GABRB3: variants seen among roughly 807,000 people sequenced by gnomAD.
GABRB3 encodes the protein gamma-aminobutyric acid receptor subunit beta-3.
GABRB3 carries 14 observed loss-of-function variants against 52.1 expected under a neutral mutation model. The ratio of observed to expected loss-of-function variants is 0.27; its 90% CI spans 0.18 to 0.42. The LOEUF (loss-of-function observed/expected upper bound fraction) is 0.42. GABRB3 is among the 10% of genes least tolerant of loss of function. GABRB3 has a pLI of 1.00. For synonymous variants in GABRB3, 260 were observed against 232.3 expected, an observed-to-expected ratio of 1.12 and a Z score of -1.08; for missense variants, 307 against 609.1, an observed-to-expected ratio of 0.50 and a Z score of 5.22.
chr15:26,576,139 G>A (rs1890581873), intron 6 of GABRB3, among the ~76,000 whole-genome samples: 1 of 152,206 alleles, frequency 6.6e-6, no homozygotes, highest in African/African-American at 2.4e-5. Flanking sequence ...AGCTGAATAT[G>A]TTTGTTGAAA....
intron 7 of GABRB3, among the ~76,000 whole-genome samples, chr15:26,565,054 G>A (rs868048097): frequency 2.6e-5 from 4 of 152,148 alleles, no homozygotes; most frequent in South Asian, 2.1e-4. Flanking sequence ...ATAATACTTC[G>A]TACTGTGCTG....
chr15:26,583,622 A>C (rs1178317151), intron 4 of GABRB3, among the ~76,000 whole-genome samples: 2 of 152,020 alleles, frequency 1.3e-5, no homozygotes, highest in Non-Finnish European at 2.9e-5. Context: ...GGAAAAAAAA[A>C]ACACAAAACT....
chr15:26,557,128 C>T (rs755703363), intron 8 of GABRB3, among the ~76,000 whole-genome samples: 3 of 152,130 alleles, frequency 2.0e-5, no homozygotes, highest in Non-Finnish European at 4.4e-5. Flanking sequence ...TCTGCAACAA[C>T]ATGGATGGAG....
At chr15:26,633,953 G>A (rs764611878) in intron 3 of GABRB3, among the ~76,000 whole-genome samples, 6 of 152,184 alleles carry the variant, frequency 3.9e-5, no homozygotes, top group Non-Finnish European at 8.8e-5. Flanking sequence ...TTCAAAGTGT[G>A]GCGTTTTCTC....
intron 3 of GABRB3, among the ~76,000 whole-genome samples, chr15:26,684,538 T>G (rs1888341290): frequency 6.6e-6 from 1 of 152,222 alleles, no homozygotes; most frequent in Admixed American, 6.5e-5. Context: ...GTTTTGGCTT[T>G]CGGCGTGCCT....
At chr15:26,563,506 G>C (rs566070061) in intron 7 of GABRB3, among the ~76,000 whole-genome samples, 4 of 152,184 alleles carry the variant, frequency 2.6e-5, no homozygotes, top group African/African-American at 9.7e-5. Flanking sequence ...GCCTGTAAAG[G>C]GGAGCCACAT....
chr15:26,574,917 GA>G (rs886772343), intron 6 of GABRB3, among the ~76,000 whole-genome samples: 7 of 151,674 alleles, frequency 4.6e-5, no homozygotes, highest in African/African-American at 1.2e-4. Context: ...CCATTATAAG[GA>G]AAAAAAATGT....
At chr15:26,684,588 C>T (rs1000347) in intron 3 of GABRB3, among the ~76,000 whole-genome samples, 137,824 of 152,156 alleles carry the variant, frequency 0.91, 62,791 homozygotes, top group Non-Finnish European at 0.95. Flanking sequence ...CTGATTTACA[C>T]TGAGGGACGT....
chr15:26,742,270 T>A (rs1458312675), intron 3 of GABRB3, among the ~76,000 whole-genome samples: 1 of 151,870 alleles, frequency 6.6e-6, no homozygotes, highest in Non-Finnish European at 1.5e-5. Flanking sequence ...AGCCCGGGAG[T>A]CCTTTTACTG....
In GABRB3 at chr15:26,629,421, G is replaced by A. The variant is rs189077545; in HGVS notation, c.241-7887C>T. On this transcript the variant is annotated intron_variant, in intron 3 of 8. Transcript: ENST00000311550. ...GCCTGATTAGATTAGCACACACCGGGAAGAGACAGGCTGTCTCCTGGCACT... is the reference window on the plus strand; with the variant it reads ...GCCTGATTAGATTAGCACACACCGGAAAGAGACAGGCTGTCTCCTGGCACT... 2.0e-3 allele frequency among the ~76,000 whole-genome samples: 306 copies of A among 152,356 alleles called. 1 individual carries two copies. Among genetic ancestry groups the A allele is most frequent in the African/African-American group, 7.2e-3 (298 of 41,582 alleles).
chr15:26,558,596 T>G (rs1889846654), intron 8 of GABRB3, among the ~76,000 whole-genome samples: 1 of 152,098 alleles, frequency 6.6e-6, no homozygotes, highest in African/African-American at 2.4e-5. Context: ...ATTCTCTCAT[T>G]GCTATAAAGA....
intron 3 of GABRB3, among the ~76,000 whole-genome samples, chr15:26,693,800 A>T (rs1199642963): frequency 6.6e-6 from 1 of 152,210 alleles, no homozygotes; most frequent in Non-Finnish European, 1.5e-5. Flanking sequence ...TTGTAGATGG[A>T]GCATAGCCTA....
chr15:26,745,861 T>C (rs1431743930), intron 3 of GABRB3, among the ~76,000 whole-genome samples: 3 of 152,218 alleles, frequency 2.0e-5, no homozygotes, highest in East Asian at 1.9e-4. Flanking sequence ...TTCACAATTT[T>C]AGTTTGTTTC....
At chr15:26,629,692 G>A (rs1892858730) in intron 3 of GABRB3, among the ~76,000 whole-genome samples, 1 of 152,122 alleles carries the variant, frequency 6.6e-6, no homozygotes, top group Non-Finnish European at 1.5e-5. Context: ...CAGCCCTGGT[G>A]CAGCTTCTGA....
intron 3 of GABRB3, among the ~76,000 whole-genome samples, chr15:26,686,468 T>C (rs373942875): frequency 3.7e-4 from 57 of 152,314 alleles, no homozygotes; most frequent in African/African-American, 1.3e-3. Context: ...TAAATAACAG[T>C]ATGAGATCCA....
chr15:26,650,971 C>A (rs1887179208), intron 3 of GABRB3, among the ~76,000 whole-genome samples: 1 of 152,152 alleles, frequency 6.6e-6, no homozygotes, highest in Non-Finnish European at 1.5e-5. Context: ...TCCGGCTTCA[C>A]CATCCTTCAA....
chr15:26,699,451 T>A (rs1888855122), intron 3 of GABRB3, among the ~76,000 whole-genome samples: 1 of 150,644 alleles, frequency 6.6e-6, no homozygotes, highest in Non-Finnish European at 1.5e-5. Flanking sequence ...TAAGGAAGCA[T>A]GAAAATATAA....
rs188393434 is a variant in GABRB3 at position 26,737,738 on chromosome 15, A to G, written c.240+34664T>C. ...TGGACAGGGTACCACTGTCCAGCCC[A>G]GTTCTTATATATACACACACTAGGG... is the stretch of plus-strand genomic sequence containing the variant. On this transcript the variant is annotated intron_variant, in intron 3 of 8. Transcript: ENST00000311550. 4.7e-3 allele frequency among the ~76,000 whole-genome samples: 721 copies of G among 152,266 alleles called. 2 individuals carry two copies. The highest frequency in any genetic ancestry group is 0.024 in the Middle Eastern group (7 of 294).
chr15:26,725,060 A>G (rs1479925024), intron 3 of GABRB3, among the ~76,000 whole-genome samples: 1 of 152,138 alleles, frequency 6.6e-6, no homozygotes, highest in Non-Finnish European at 1.5e-5. Context: ...ACTTTCTTGA[A>G]CACAATGCCA....
Sources: allele counts gnomAD v4.1 joint callset (sites outside exome capture counted in the v4.1 genomes callset), GRCh38; gene constraint gnomAD v4.1.1; transcripts MANE v1.5; gene names NCBI Gene and HGNC (gene_info 2026-07-23, HGNC 2026-07-21).